Variants in SUPT3H observed in about 807,000 individuals in gnomAD.
SUPT3H encodes transcription initiation protein SPT3 homolog.
SUPT3H carries 44 observed loss-of-function variants against 44.3 expected under a neutral mutation model. The observed-to-expected ratio is 0.99, with a 90% CI of 0.78 to 1.28. The LOEUF (loss-of-function observed/expected upper bound fraction) is 1.28. SUPT3H is among the 50% of genes most tolerant of loss of function. The pLI is 0.00. For synonymous variants in SUPT3H, 124 were observed against 125.6 expected (o/e 0.99, Z 0.09); for missense variants, 380 against 387.1 (o/e 0.98, Z 0.15).
chr6:45,321,399 TA>T (rs1785473586), intron 2 of SUPT3H, among the ~76,000 whole-genome samples: 1 of 152,190 alleles, frequency 6.6e-6, no homozygotes, highest in Non-Finnish European at 1.5e-5. Context: ...CCTTTACTTA[TA>T]TTCACCAATT....
At chr6:45,151,943 G>C (rs1236894772) in intron 2 of SUPT3H, among the ~76,000 whole-genome samples, 1 of 151,992 alleles carries the variant, frequency 6.6e-6, no homozygotes, top group Non-Finnish European at 1.5e-5. Flanking sequence ...TTCTCTTTCT[G>C]TTCTTGTAAC....
chr6:45,283,023 G>A (rs538773823), intron 2 of SUPT3H, among the ~76,000 whole-genome samples: 26 of 152,092 alleles, frequency 1.7e-4, no homozygotes, highest in South Asian at 6.2e-4. Context: ...TACTTTACAG[G>A]CAAGCAAATG....
chr6:45,306,777 AGACAGTGGGTGCAG>A (rs143134576), intron 2 of SUPT3H, among the ~76,000 whole-genome samples: 22,783 of 152,070 alleles, frequency 0.15, 1,957 homozygotes, highest in East Asian at 0.26. Context: ...GAGGCTTGTC[AGACAGTGGGTGCAG>A]GACAGTGGGT....
At chr6:44,926,028 T>C (rs1025471750) in intron 10 of SUPT3H, among the ~76,000 whole-genome samples, 1 of 152,084 alleles carries the variant, frequency 6.6e-6, no homozygotes, top group African/African-American at 2.4e-5. Context: ...CAAAACATTA[T>C]CAATAATTTT....
intron 2 of SUPT3H, among the ~76,000 whole-genome samples, chr6:45,357,775 T>A (rs1793505831): frequency 6.6e-6 from 1 of 152,112 alleles, no homozygotes; most frequent in Admixed American, 6.6e-5. Context: ...TCTAGCTACA[T>A]AAAAATGAGA....
At chr6:45,323,585 T>C (rs181127271) in intron 2 of SUPT3H, among the ~76,000 whole-genome samples, 1 of 152,198 alleles carries the variant, frequency 6.6e-6, no homozygotes, top group East Asian at 1.9e-4. Context: ...AAAGACATCT[T>C]AAAACAAATT....
chr6:45,352,028 T>C (rs1792161163), intron 2 of SUPT3H, among the ~76,000 whole-genome samples: 1 of 152,194 alleles, frequency 6.6e-6, no homozygotes, highest in South Asian at 2.1e-4. Flanking sequence ...CCTCAAATCT[T>C]TGCCATCCCA....
intron 6 of SUPT3H, among the ~76,000 whole-genome samples, chr6:44,999,013 T>C (rs1055688544): frequency 4.9e-5 from 7 of 142,264 alleles, no homozygotes; most frequent in African/African-American, 1.7e-4. Flanking sequence ...GTTCATTAGT[T>C]GCCTCTGTGA....
chr6:45,098,712 G>A, intron 3 of SUPT3H: 1 of 400,156 alleles, frequency 2.5e-6, no homozygotes, highest in Non-Finnish European at 4.9e-6. Context: ...CTCCCCATAT[G>A]TTGGTAGTCT....
intron 2 of SUPT3H, among the ~76,000 whole-genome samples, chr6:45,133,929 T>C (rs937392371): frequency 2.6e-5 from 4 of 152,194 alleles, no homozygotes; most frequent in Non-Finnish European, 5.9e-5. Context: ...TTTGGATCCC[T>C]GCAAAATTCT....
chr6:44,869,418 C>A (rs1446553273), intron 10 of SUPT3H, among the ~76,000 whole-genome samples: 2 of 152,062 alleles, frequency 1.3e-5, no homozygotes, highest in African/African-American at 4.8e-5. Context: ...GAGCAGTGAA[C>A]CAAGGGCTGA....
chr6:45,076,724 G>A (rs1158390676), intron 3 of SUPT3H, among the ~76,000 whole-genome samples: 1 of 152,104 alleles, frequency 6.6e-6, no homozygotes, highest in Admixed American at 6.6e-5. Context: ...TTAAGTTGCA[G>A]CCTACTGAGT....
intron 2 of SUPT3H, among the ~76,000 whole-genome samples, chr6:45,314,849 A>C (rs1784461786): frequency 6.6e-6 from 1 of 152,210 alleles, no homozygotes; most frequent in Non-Finnish European, 1.5e-5. Flanking sequence ...AAGCAAAAAG[A>C]ACAAATCTGG....
chr6:45,373,235 G>A (rs1429868616), intron 1 of SUPT3H, among the ~76,000 whole-genome samples: 3 of 151,972 alleles, frequency 2.0e-5, no homozygotes, highest in Admixed American at 2.0e-4. Context: ...TGAAGTCACA[G>A]AGCCGGCCAC....
chr6:45,191,993 A>C (rs759639174), intron 2 of SUPT3H, among the ~76,000 whole-genome samples: 1 of 152,062 alleles, frequency 6.6e-6, no homozygotes, highest in Non-Finnish European at 1.5e-5. Flanking sequence ...CCTCATATTC[A>C]CTTACTTTAC....
At chr6:44,976,461 G>A (rs1399164484) in intron 6 of SUPT3H, among the ~76,000 whole-genome samples, 4 of 151,730 alleles carry the variant, frequency 2.6e-5, no homozygotes, top group South Asian at 2.1e-4. Context: ...TCCAGGGCTC[G>A]AGAGATTCTC....
rs115028478 is a variant in SUPT3H, at chr6:45,272,514, T to C, written c.101+92687A>G. ...AGTCCAATTAAACCTCTGTCTTTTGTAAATTGTCCAGTCTCGGATATATCT... is the reference window on the plus strand; with the variant it reads ...AGTCCAATTAAACCTCTGTCTTTTGCAAATTGTCCAGTCTCGGATATATCT... On this transcript the variant is annotated intron_variant, in intron 2 of 10. Coordinates refer to ENST00000371459, the MANE Select transcript of SUPT3H (RefSeq NM_003599.4). 3.2e-3 allele frequency among the ~76,000 whole-genome samples: 494 copies of C among 152,330 alleles called. 2 individuals are homozygous for C. Among genetic ancestry groups the C allele is most frequent in the Non-Finnish European group, 5.2e-3 (351 of 68,028 alleles).
At chr6:45,374,539 TTAATA>T (rs763063075) in intron 1 of SUPT3H, among the ~76,000 whole-genome samples, 17 of 152,362 alleles carry the variant, frequency 1.1e-4, no homozygotes, top group South Asian at 4.1e-4. Context: ...CAGTATAAAC[TTAATA>T]TAATAATGCA....
intron 2 of SUPT3H, among the ~76,000 whole-genome samples, chr6:45,175,861 G>A (rs1414563703): frequency 6.6e-6 from 1 of 152,146 alleles, no homozygotes; most frequent in Non-Finnish European, 1.5e-5. Flanking sequence ...ATAGATACCA[G>A]TTATTCTCAT....
Sources: gnomAD v4.1 joint callset for allele counts (sites outside exome capture counted in the v4.1 genomes callset) on GRCh38, gnomAD v4.1.1 for gene constraint, MANE v1.5 for transcripts, NCBI Gene and HGNC (gene_info 2026-07-23, HGNC 2026-07-21) for gene names.